GALNTL6: variants seen among roughly 807,000 people sequenced by gnomAD.
GALNTL6 encodes the protein polypeptide N-acetylgalactosaminyltransferase-like 6.
In GALNTL6, 46 loss-of-function variants were observed where a neutral mutation model predicts 73.7. That is an observed-to-expected ratio of 0.62 (90% confidence interval 0.49 to 0.80). The LOEUF is 0.80. Among genes scored for constraint, GALNTL6 ranks in the 30% least tolerant of loss-of-function variants. The pLI is 0.00. For synonymous variants in GALNTL6, 259 were observed against 263.7 expected (o/e 0.98, Z 0.17); for missense variants, 604 against 755.0 (o/e 0.80, Z 2.34).
chr4:172,048,133 C>G (rs548800062), intron 2 of GALNTL6, among the ~76,000 whole-genome samples: 30 of 152,072 alleles, frequency 2.0e-4, no homozygotes, highest in Non-Finnish European at 4.1e-4. Context: ...AAGGAAGAAC[C>G]AGCAAGTTTC....
chr4:173,012,850 C>T (rs1411620769), intron 11 of GALNTL6, among the ~76,000 whole-genome samples: 1 of 152,184 alleles, frequency 6.6e-6, no homozygotes, highest in Non-Finnish European at 1.5e-5. Context: ...CAAATGCGCC[C>T]TGCATGGCTG....
chr4:172,473,198 G>C (rs1733115295), intron 5 of GALNTL6, among the ~76,000 whole-genome samples: 1 of 152,034 alleles, frequency 6.6e-6, no homozygotes, highest in Admixed American at 6.6e-5. Flanking sequence ...AGGCCATCTT[G>C]CCTACTCAAG....
intron 7 of GALNTL6, among the ~76,000 whole-genome samples, chr4:172,822,643 C>A (rs1741997655): frequency 6.6e-6 from 1 of 152,166 alleles, no homozygotes; most frequent in African/African-American, 2.4e-5. Context: ...GGCTTGAATT[C>A]TTCATGCCAA....
intron 12 of GALNTL6, among the ~76,000 whole-genome samples, chr4:173,029,171 C>T (rs928521098): frequency 5.3e-5 from 8 of 152,176 alleles, no homozygotes; most frequent in African/African-American, 1.4e-4. Flanking sequence ...TCATGTAATT[C>T]AACTCTGGTT....
intron 2 of GALNTL6, among the ~76,000 whole-genome samples, chr4:171,886,797 C>T (rs542771617): frequency 5.3e-5 from 8 of 151,992 alleles, no homozygotes; most frequent in Admixed American, 6.5e-5. Flanking sequence ...CAAATGTTTC[C>T]TGAAACAGGT....
At chr4:172,778,496 G>T (rs56408300) in intron 5 of GALNTL6, among the ~76,000 whole-genome samples, 1 of 151,348 alleles carries the variant, frequency 6.6e-6, no homozygotes, top group Non-Finnish European at 1.5e-5. Flanking sequence ...ATTTAGAAGA[G>T]GTGACTTAAT....
rs548221971 is a variant in GALNTL6 at position 171,873,306 on chromosome 4, T to C, written c.138+58588T>C. The stretch of plus-strand genomic sequence containing the variant: ...TTTACTATGTTGTATTTGTTCAATA[T>C]AGGATGATTGAACGAACTTGAATCT... On this transcript the variant is annotated intron_variant, in intron 2 of 12. Transcript: ENST00000506823. Among the ~76,000 whole-genome samples the C allele has an allele frequency of 3.3e-5, 5 of 152,348 alleles. No individual in the cohort carries two copies. The South Asian group carries it at 6.2e-4, about 19-fold the overall frequency.
chr4:172,894,874 T>C (rs767549555), intron 8 of GALNTL6, among the ~76,000 whole-genome samples: 1 of 152,092 alleles, frequency 6.6e-6, no homozygotes, highest in Admixed American at 6.5e-5. Flanking sequence ...TGGTATTGGG[T>C]GCACATGTAT....
At chr4:172,743,926 C>T (rs969282821) in intron 5 of GALNTL6, among the ~76,000 whole-genome samples, 1 of 152,098 alleles carries the variant, frequency 6.6e-6, no homozygotes, top group African/African-American at 2.4e-5. Flanking sequence ...TGATAGAATT[C>T]ATCACCTTTC....
chr4:173,039,401 G>A (rs1278950049), intron 12 of GALNTL6, among the ~76,000 whole-genome samples: 2 of 83,784 alleles, frequency 2.4e-5, no homozygotes, highest in East Asian at 2.9e-3. Flanking sequence ...ACTTTTGACT[G>A]CTGCTTTTTT....
intron 3 of GALNTL6, among the ~76,000 whole-genome samples, chr4:172,246,306 A>T (rs1470459565): frequency 2.0e-5 from 3 of 152,146 alleles, no homozygotes; most frequent in Non-Finnish European, 4.4e-5. Context: ...ATTTACCTAG[A>T]TAGCAATCTA....
chr4:172,365,285 G>C (rs1478725798), intron 5 of GALNTL6, among the ~76,000 whole-genome samples: 6 of 152,030 alleles, frequency 3.9e-5, no homozygotes, highest in Non-Finnish European at 8.8e-5. Flanking sequence ...CTGGTCAGAG[G>C]GGAGGTTATC....
chr4:172,218,271 T>C lies in GALNTL6; in HGVS notation c.139-11385T>C, dbSNP rs555552123. On this transcript the variant is annotated intron_variant, in intron 2 of 12. Coordinates refer to ENST00000506823, the MANE Select transcript of GALNTL6 (RefSeq NM_001034845.3). ...CAACTTGGATAAGACTCTAGTAAAG[T>C]CTTTTTCTCTTGACAGTAGGCCTTA... is the stretch of plus-strand genomic sequence containing the variant. Among the ~76,000 whole-genome samples the C allele has an allele frequency of 6.6e-5, 10 of 152,210 alleles. No individual in the cohort carries two copies. In the South Asian group the frequency reaches 2.1e-3, roughly 32 times the overall value.
chr4:172,858,737 A>G (rs11731710), intron 7 of GALNTL6, among the ~76,000 whole-genome samples: 14,351 of 152,204 alleles, frequency 0.094, 856 homozygotes, highest in Non-Finnish European at 0.14. Flanking sequence ...TACACATGGT[A>G]CCTACTCTTC....
At chr4:171,840,020 C>T (rs1735198080) in intron 2 of GALNTL6, among the ~76,000 whole-genome samples, 1 of 152,102 alleles carries the variant, frequency 6.6e-6, no homozygotes, top group Non-Finnish European at 1.5e-5. Flanking sequence ...ATTTAAACTG[C>T]TTTAGAATGA....
intron 2 of GALNTL6, among the ~76,000 whole-genome samples, chr4:171,967,427 T>C (rs1265029039): frequency 1.4e-5 from 2 of 143,572 alleles, no homozygotes; most frequent in African/African-American, 5.1e-5. Context: ...AGCCTGATTG[T>C]AGTTTTCTTC....
At chr4:171,884,214 T>C (rs893607199) in intron 2 of GALNTL6, among the ~76,000 whole-genome samples, 1 of 152,208 alleles carries the variant, frequency 6.6e-6, no homozygotes, top group African/African-American at 2.4e-5. Flanking sequence ...TTCTTTCATG[T>C]CATTTAGCTT....
At chr4:172,236,620 A>C (rs986777863) in intron 3 of GALNTL6, among the ~76,000 whole-genome samples, 1 of 151,252 alleles carries the variant, frequency 6.6e-6, no homozygotes, top group South Asian at 2.1e-4. Flanking sequence ...ATACTTTGTT[A>C]GTGTTTTCAT....
chr4:172,608,741 T>C (rs889263454), intron 5 of GALNTL6, among the ~76,000 whole-genome samples: 1 of 152,176 alleles, frequency 6.6e-6, no homozygotes, highest in Non-Finnish European at 1.5e-5. Context: ...TTGAGGCCAT[T>C]TTAATAATAC....
Sources: gnomAD v4.1 joint callset for allele counts (sites outside exome capture counted in the v4.1 genomes callset) on GRCh38, gnomAD v4.1.1 for gene constraint, MANE v1.5 for transcripts, NCBI Gene and HGNC (gene_info 2026-07-23, HGNC 2026-07-21) for gene names.